SFI1: variants seen among roughly 807,000 people sequenced by gnomAD.
SFI1 encodes protein SFI1 homolog.
A neutral mutation model predicts 207.5 loss-of-function variants in SFI1; 195 were observed. The ratio of observed to expected loss-of-function variants is 0.94; its 90% CI spans 0.84 to 1.06. The LOEUF is 1.06. Among genes scored for constraint, SFI1 ranks in the 50% least tolerant of loss-of-function variants. The pLI, the probability that SFI1 is intolerant of heterozygous loss-of-function variation, is 0.00. For missense variants in SFI1, 1,634 were observed against 1,588.0 expected, an observed-to-expected ratio of 1.03 and a Z score of -0.49; for synonymous variants, 630 against 598.9, an observed-to-expected ratio of 1.05 and a Z score of -0.76.
At chr22:31,542,986 T>TG (rs2059712031) in intron 4 of SFI1, among the ~76,000 whole-genome samples, 3 of 143,042 alleles carry the variant, frequency 2.1e-5, no homozygotes, top group Non-Finnish European at 4.6e-5. Context: ...TTTTTTTTTT[T>TG]TTTGAGACGG....
chr22:31,610,835 C>T (rs527952791), intron 22 of SFI1, among the ~76,000 whole-genome samples: 1 of 152,328 alleles, frequency 6.6e-6, no homozygotes, highest in East Asian at 1.9e-4. Flanking sequence ...GCATTTTGCA[C>T]GTGACTCTTA....
At chr22:31,564,814 A>ATT (rs776647555) in intron 8 of SFI1, among the ~76,000 whole-genome samples, 3 of 111,952 alleles carry the variant, frequency 2.7e-5, no homozygotes, top group Non-Finnish European at 3.5e-5. Context: ...CTGGCCCAGA[A>ATT]TTTTTTTTTT....
chr22:31,548,091 G>A (rs909335108), intron 5 of SFI1, among the ~76,000 whole-genome samples: 9 of 151,792 alleles, frequency 5.9e-5, no homozygotes, highest in Non-Finnish European at 1.2e-4. Flanking sequence ...GTGGTGGCAG[G>A]CGCCTGTAGT....
chr22:31,550,165 C>T, intron 5 of SFI1, 89 bp from the exon 6 acceptor site: 1 of 907,776 alleles, frequency 1.1e-6, no homozygotes, highest in Non-Finnish European at 1.7e-6. Flanking sequence ...CTTGCCTTGG[C>T]CTCCCAAAGT....
intron 21 of SFI1, chr22:31,606,816 A>T (rs983467374): frequency 1.2e-5 from 2 of 161,118 alleles, no homozygotes; most frequent in Non-Finnish European, 2.7e-5. Context: ...TCCTGCCTCA[A>T]CCTCCCGAGT....
In SFI1 at chr22:31,522,942, C is replaced by T. The variant is rs2057451350; in HGVS notation, c.93-5748C>T. Among the ~76,000 whole-genome samples, 3 of 152,324 alleles carry T rather than the reference C, an allele frequency of 2.0e-5. No individual in the cohort carries two copies. The South Asian group carries it at 6.2e-4, about 32-fold the overall frequency. Reference sequence around the variant, plus strand: ...GTGCTGGGATTACAGGTGTGAGCCACAGCACCCGGCCTTATTCCTTTTTAT... The same window carrying T: ...GTGCTGGGATTACAGGTGTGAGCCATAGCACCCGGCCTTATTCCTTTTTAT... On this transcript the variant is annotated intron_variant, in intron 2 of 32. Coordinates refer to ENST00000400288, the MANE Select transcript of SFI1 (RefSeq NM_001007467.3).
intron 1 of SFI1, among the ~76,000 whole-genome samples, chr22:31,500,942 G>A (rs2053656192): frequency 6.6e-6 from 1 of 151,530 alleles, no homozygotes; most frequent in Non-Finnish European, 1.5e-5. Context: ...TGGGATTACA[G>A]GTGCCCACCA....
chr22:31,502,639 C>T (rs940180127), intron 1 of SFI1, among the ~76,000 whole-genome samples: 11 of 152,068 alleles, frequency 7.2e-5, no homozygotes, highest in Non-Finnish European at 1.5e-4. Flanking sequence ...CTCCTGAAGT[C>T]GTGGGATTAC....
At chr22:31,505,349 G>A (rs1423567941) in intron 1 of SFI1, among the ~76,000 whole-genome samples, 6 of 152,006 alleles carry the variant, frequency 3.9e-5, no homozygotes, top group African/African-American at 1.4e-4. Flanking sequence ...TGAAGCAGGA[G>A]AATCGGTTGA....
chr22:31,562,821 G>A (rs1318471872), intron 8 of SFI1, among the ~76,000 whole-genome samples: 1 of 151,218 alleles, frequency 6.6e-6, no homozygotes, highest in Non-Finnish European at 1.5e-5. Flanking sequence ...CTTTAGTAGA[G>A]ACGGGGTTTC....
At position 31,583,925 on chromosome 22, in the gene SFI1, G is replaced by T. The variant is rs140987552; in HGVS notation, c.1299G>T (p.Lys433Asn). ...GGCGGTCTCAGATTGAGCAGAAAAA[G>T]GAAAGAGAGCTGCTCCCCTTACTGC... ...NLWRSQIEQK[K>N]ERELLPLLHA... The change falls in exon 13 of 33, where the codon AAG becomes AAT. Residue 433 changes from lysine to asparagine, a missense_variant. Transcript: ENST00000400288. 22,971 of 1,614,108 alleles carry T rather than the reference G, an allele frequency of 0.014. 182 individuals are homozygous for T. Among genetic ancestry groups the T allele is most frequent in the Non-Finnish European group, 0.016 (18,942 of 1,180,000 alleles).
At chr22:31,542,101 T>TA (rs10651316) in intron 4 of SFI1, among the ~76,000 whole-genome samples, 10,000 of 114,412 alleles carry the variant, frequency 0.087, 693 homozygotes, top group East Asian at 0.32. Flanking sequence ...ACCCCGTCTT[T>TA]AAAAAAAAAA....
At position 31,618,379 on chromosome 22, in the gene SFI1, C is replaced by T. The variant is rs144553808; in HGVS notation, c.3690C>T (p.Cys1230=). 9.9e-5 allele frequency: 159 copies of T among 1,605,060 alleles called. 2 individuals carry two copies. The African/African-American group carries it at 1.2e-3, about 12-fold the overall frequency. Residue 1230 remains cysteine, a synonymous_variant, in exon 33 of 33, where the codon TGC becomes TGT. Transcript: ENST00000400288. ...LQAQRQPIGA[C]VARIQALRQA... ...CTCAGCGCCAGCCCATTGGCGCCTG[C>T]GTTGCCCGCATCCAGGCCCTGCGGC...
At chr22:31,544,097 G>A (rs1256058564) in intron 4 of SFI1, among the ~76,000 whole-genome samples, 2 of 152,088 alleles carry the variant, frequency 1.3e-5, no homozygotes, top group South Asian at 2.1e-4. Flanking sequence ...ACTGAGGCAC[G>A]AGAATAACTT....
intron 2 of SFI1, among the ~76,000 whole-genome samples, chr22:31,515,115 G>C (rs2056300038): frequency 6.6e-6 from 1 of 151,696 alleles, no homozygotes; most frequent in Non-Finnish European, 1.5e-5. Context: ...TTATGCTGTT[G>C]GCTTTGGTAT....
At chr22:31,601,661 G>A (rs992804362) in intron 15 of SFI1, among the ~76,000 whole-genome samples, 15 of 152,098 alleles carry the variant, frequency 9.9e-5, no homozygotes, top group East Asian at 1.9e-4. Context: ...TTTTTCGTAC[G>A]GTGTGAAGGC....
At chr22:31,617,398 C>T (rs756028783) in intron 31 of SFI1, among the ~76,000 whole-genome samples, 130 of 152,084 alleles carry the variant, frequency 8.5e-4, no homozygotes, top group Non-Finnish European at 1.3e-3. Context: ...ATGCTGTCCC[C>T]AGTGACTAAT....
In SFI1 at chr22:31,611,841, G is replaced by T; in HGVS notation, c.2490+1G>T. 6.2e-7 allele frequency: 1 copy of T among 1,613,874 alleles called. No homozygotes were observed. Among genetic ancestry groups the T allele is most frequent in the Non-Finnish European group, 8.5e-7 (1 of 1,179,924 alleles). ...CTGCTTCCGCCAGTGGAGACAACAG[G>T]TGGGAACCCAGGAGATGTCCCCTCT... On this transcript the variant is annotated splice_donor_variant, in intron 24 of 32. Transcript: ENST00000400288. LOFTEE classifies it high-confidence loss of function.
chr22:31,593,002 C>A (rs1353954178), intron 15 of SFI1, among the ~76,000 whole-genome samples: 3 of 129,922 alleles, frequency 2.3e-5, no homozygotes, highest in Non-Finnish European at 4.9e-5. Flanking sequence ...CCCCACCTCC[C>A]TCCCGGACGG....
Sources: allele counts gnomAD v4.1 joint callset (sites outside exome capture counted in the v4.1 genomes callset), GRCh38; gene constraint gnomAD v4.1.1; transcripts MANE v1.5; gene names NCBI Gene and HGNC (gene_info 2026-07-23, HGNC 2026-07-21).